CDH12: variants seen among roughly 807,000 people sequenced by gnomAD.
CDH12 encodes the protein cadherin-12.
CDH12 carries 41 observed loss-of-function variants against 74.1 expected under a neutral mutation model. That is an observed-to-expected ratio of 0.55 (90% CI 0.43 to 0.72). The LOEUF (loss-of-function observed/expected upper bound fraction) is 0.72. Among genes scored for constraint, CDH12 ranks in the 30% least tolerant of loss-of-function variants. CDH12 has a pLI of 0.00. For synonymous variants in CDH12, 399 were observed against 355.0 expected, an observed-to-expected ratio of 1.12 and a Z score of -1.39; for missense variants, 945 against 977.2, an observed-to-expected ratio of 0.97 and a Z score of 0.44.
At chr5:22,488,016 T>C (rs1024868981) in intron 2 of CDH12, among the ~76,000 whole-genome samples, 1 of 152,230 alleles carries the variant, frequency 6.6e-6, no homozygotes, top group African/African-American at 2.4e-5. Context: ...CAGTAAAGTA[T>C]TAATGGCAAA....
chr5:21,956,559 G>A lies in CDH12; in HGVS notation c.526+18532C>T, dbSNP rs1422195977. ...TATTTTTAATTTCTGACATTCTGGA[G>A]TATTGCTTGTAAAAGGTATTTTTAA... On this transcript the variant is annotated intron_variant, in intron 6 of 14. Transcript: ENST00000382254. 2.0e-5 allele frequency among the ~76,000 whole-genome samples: 3 copies of A among 151,962 alleles called. No individual in the cohort carries two copies. The East Asian group carries it at 5.8e-4, about 29-fold the overall frequency.
intron 10 of CDH12, among the ~76,000 whole-genome samples, chr5:21,797,397 G>A (rs1371989191): frequency 1.3e-5 from 2 of 151,988 alleles, no homozygotes; most frequent in African/African-American, 4.8e-5. Flanking sequence ...TCTTAAGCGG[G>A]TAAACACATT....
At chr5:22,744,656 A>C (rs1580951834) in intron 1 of CDH12, among the ~76,000 whole-genome samples, 1 of 152,272 alleles carries the variant, frequency 6.6e-6, no homozygotes, top group East Asian at 1.9e-4. Context: ...TAGCAACTGT[A>C]GATTTTTGTT....
intron 6 of CDH12, among the ~76,000 whole-genome samples, chr5:21,864,789 G>A (rs1751240754): frequency 6.6e-6 from 1 of 152,150 alleles, no homozygotes; most frequent in African/African-American, 2.4e-5. Context: ...TCTGGTGAGG[G>A]CTCAGAAGAA....
At chr5:22,429,612 A>G (rs1266508147) in intron 2 of CDH12, among the ~76,000 whole-genome samples, 1 of 152,196 alleles carries the variant, frequency 6.6e-6, no homozygotes, top group African/African-American at 2.4e-5. Context: ...GTATATATGC[A>G]TAGTGTTGTA....
At chr5:21,993,936 A>G (rs1325489683) in intron 5 of CDH12, among the ~76,000 whole-genome samples, 4 of 152,012 alleles carry the variant, frequency 2.6e-5, no homozygotes, top group Non-Finnish European at 4.4e-5. Flanking sequence ...GAGAATTTTT[A>G]TTTCTCGGTT....
rs1156612060 is a variant in CDH12, at chr5:22,739,331, CA to C, written c.-523+113726del. On this transcript the variant is annotated intron_variant, in intron 1 of 14. Coordinates refer to ENST00000382254, the MANE Select transcript of CDH12 (RefSeq NM_004061.5). ...TAAAAATTTTACTTTTTTTTACTTA[CA>C]TTAAAGAAAAAACTCTGACACTCAC... Among the ~76,000 whole-genome samples the C allele has an allele frequency of 3.7e-4, 50 of 135,148 alleles. 1 individual carries two copies. Among genetic ancestry groups the C allele is most frequent in the African/African-American group, 1.3e-3 (48 of 38,212 alleles). The allele number at this position is 135,148 out of a possible 152,430, so 88.7% of individuals were successfully genotyped here.
At chr5:22,653,525 G>A (rs1199394969) in intron 1 of CDH12, among the ~76,000 whole-genome samples, 1 of 151,576 alleles carries the variant, frequency 6.6e-6, no homozygotes, top group Admixed American at 6.6e-5. Context: ...CTACCAGTGA[G>A]TTCTGTTGGC....
Position 22,261,486 on chromosome 5 carries a change from T to C in CDH12, c.-332-48843A>G, listed in dbSNP as rs568635848. ...TGCTACAGTTGAAGTAATATCAGCA[T>C]TTTCATAATAAAAACTGCTCTTTGG... On this transcript the variant is annotated intron_variant, in intron 3 of 14. Transcript: ENST00000382254. Among the ~76,000 whole-genome samples the C allele has an allele frequency of 2.6e-5, 4 of 152,114 alleles. No individual in the cohort carries two copies. The South Asian group carries it at 8.3e-4, about 32-fold the overall frequency.
intron 6 of CDH12, among the ~76,000 whole-genome samples, chr5:21,948,218 C>T (rs1055857995): frequency 1.3e-5 from 2 of 152,138 alleles, no homozygotes; most frequent in Admixed American, 1.3e-4. Context: ...GAGAAGAGGG[C>T]CACTGTTCTC....
At chr5:22,519,930 G>A (rs1736976870) in intron 1 of CDH12, among the ~76,000 whole-genome samples, 2 of 152,102 alleles carry the variant, frequency 1.3e-5, no homozygotes, top group Non-Finnish European at 2.9e-5. Flanking sequence ...ATATTGTAGA[G>A]GTAGCATATT....
intron 1 of CDH12, among the ~76,000 whole-genome samples, chr5:22,602,490 G>A (rs1736898633): frequency 6.6e-6 from 1 of 152,082 alleles, no homozygotes; most frequent in Non-Finnish European, 1.5e-5. Flanking sequence ...CCAGGTTCAA[G>A]GTAATCTTGT....
At chr5:22,336,282 G>C (rs546437119) in intron 3 of CDH12, among the ~76,000 whole-genome samples, 2 of 152,210 alleles carry the variant, frequency 1.3e-5, no homozygotes, top group African/African-American at 4.8e-5. Flanking sequence ...AAAATTTTCA[G>C]CCAGACAATG....
chr5:21,967,858 TG>T (rs1428223303), intron 6 of CDH12, among the ~76,000 whole-genome samples: 2 of 152,160 alleles, frequency 1.3e-5, no homozygotes, highest in Non-Finnish European at 2.9e-5. Flanking sequence ...ACTTCACGGC[TG>T]GCACAGGAGA....
At chr5:22,152,831 G>A (rs1402945157) in intron 4 of CDH12, among the ~76,000 whole-genome samples, 1 of 152,072 alleles carries the variant, frequency 6.6e-6, no homozygotes, top group Non-Finnish European at 1.5e-5. Flanking sequence ...CTACTTCTAG[G>A]ATATCAGCTT....
At chr5:22,779,624 C>G (rs1747284892) in intron 1 of CDH12, among the ~76,000 whole-genome samples, 1 of 152,096 alleles carries the variant, frequency 6.6e-6, no homozygotes, top group African/African-American at 2.4e-5. Flanking sequence ...GGCAGTTTCC[C>G]CATGCCGGTC....
intron 1 of CDH12, among the ~76,000 whole-genome samples, chr5:22,776,853 G>C (rs979573914): frequency 6.6e-6 from 1 of 152,148 alleles, no homozygotes. Flanking sequence ...TTTGGACATA[G>C]TTTCAGGCAA....
At chr5:22,756,156 G>C (rs1423140658) in intron 1 of CDH12, among the ~76,000 whole-genome samples, 1 of 147,496 alleles carries the variant, frequency 6.8e-6, no homozygotes, top group Non-Finnish European at 1.5e-5. Context: ...TTGCTTTGCT[G>C]TGTTCTGCTC....
chr5:22,400,353 G>C (rs530485671), intron 3 of CDH12, among the ~76,000 whole-genome samples: 6 of 152,188 alleles, frequency 3.9e-5, no homozygotes, highest in Non-Finnish European at 8.8e-5. Context: ...CTTGGAGTTT[G>C]AGTTGAATGA....
Sources: allele counts gnomAD v4.1 joint callset (sites outside exome capture counted in the v4.1 genomes callset), GRCh38; gene constraint gnomAD v4.1.1; transcripts MANE v1.5; gene names NCBI Gene and HGNC (gene_info 2026-07-23, HGNC 2026-07-21).